The following TEX11 variants were observed in gnomAD, a reference collection of about 807,000 sequenced individuals.
The protein encoded by TEX11 is testis-expressed protein 11.
Under a neutral mutation model 84.4 loss-of-function variants are expected in TEX11, and 7 were observed. The ratio of observed to expected loss-of-function variants is 0.08; its 90% CI spans 0.05 to 0.16. The LOEUF (loss-of-function observed/expected upper bound fraction) is 0.16, where lower values mean the gene tolerates loss of function less well. Ranked by LOEUF, TEX11 falls within the 10% of genes least tolerant of loss-of-function variation. The pLI, the probability that TEX11 is intolerant of heterozygous loss-of-function variation, is 1.00. For missense variants in TEX11, 551 were observed against 660.5 expected (o/e 0.83, Z 1.82); for synonymous variants, 264 against 222.8 (o/e 1.18, Z -1.64).
At chrX:70,546,436 C>T (rs1348686684) in intron 28 of TEX11, among the ~76,000 whole-genome samples, 1 of 111,094 alleles carries the variant, frequency 9.0e-6, no homozygotes, top group African/African-American at 3.3e-5. Context: ...CAAATGATAC[C>T]CTTAAGAAAA....
intron 25 of TEX11, among the ~76,000 whole-genome samples, chrX:70,585,732 T>G (rs2088844420): frequency 8.9e-6 from 1 of 111,893 alleles, no homozygotes; most frequent in Non-Finnish European, 1.9e-5. Context: ...TCAACAAGGG[T>G]GTCAAGACCA....
chrX:70,739,825 G>A, intron 11 of TEX11, among the ~76,000 whole-genome samples: 1 of 111,345 alleles, frequency 9.0e-6, no homozygotes, highest in Non-Finnish European at 1.9e-5. Context: ...ATGTTGCCCA[G>A]GCTGAAGTGC....
chrX:70,588,491 T>A (rs1484325597), intron 25 of TEX11, among the ~76,000 whole-genome samples: 2 of 111,486 alleles, frequency 1.8e-5, no homozygotes, highest in Non-Finnish European at 3.8e-5. Context: ...GAAGGTGCCT[T>A]GCTTCCCCTT....
At chrX:70,730,554 G>C (rs1241389177) in intron 11 of TEX11, among the ~76,000 whole-genome samples, 1 of 111,917 alleles carries the variant, frequency 8.9e-6, no homozygotes, top group Non-Finnish European at 1.9e-5. Flanking sequence ...AAGAGACAAA[G>C]AAGGCCATTA....
rs769164675 is a variant in TEX11 at position 70,855,898 on chromosome X, T to C, written c.325-2570A>G. ...GAAATCAAACTTGCTGACACCTTAA[T>C]CTTGAACTTCTAGCCTCCAAAACTG... On this transcript the variant is annotated intron_variant, in intron 5 of 29. Coordinates refer to ENST00000374333, the MANE Select transcript of TEX11 (RefSeq NM_031276.3). Among the ~76,000 whole-genome samples, 321 of 111,689 alleles carry C rather than the reference T, an allele frequency of 2.9e-3. 1 individual carries two copies. Among genetic ancestry groups the C allele is most frequent in the African/African-American group, 9.6e-3 (296 of 30,801 alleles).
chrX:70,692,871 T>C (rs1470746818), intron 13 of TEX11, among the ~76,000 whole-genome samples: 1 of 111,428 alleles, frequency 9.0e-6, no homozygotes, highest in Non-Finnish European at 1.9e-5. Context: ...GGTAGTTCTA[T>C]CTTTAATTTT....
chrX:70,841,859 G>A (rs1283935032), intron 7 of TEX11, among the ~76,000 whole-genome samples: 24 of 111,262 alleles, frequency 2.2e-4, no homozygotes, highest in Admixed American at 1.1e-3. Flanking sequence ...ACACCTCTAC[G>A]CAAATAAACT....
chrX:70,776,565 G>GAA (rs781761552), intron 9 of TEX11, among the ~76,000 whole-genome samples: 1 of 88,126 alleles, frequency 1.1e-5, no homozygotes. Context: ...CCCTGTCTTG[G>GAA]AAAAAAAAAA....
intron 11 of TEX11, 97 bp downstream of exon 11, chrX:70,740,604 A>C: frequency 2.0e-6 from 1 of 504,803 alleles, no homozygotes; most frequent in East Asian, 3.8e-5. Context: ...AATCTGTGAG[A>C]GTAAATGCTG....
At chrX:70,662,388 A>C (rs1223201836) in intron 16 of TEX11, among the ~76,000 whole-genome samples, 1 of 112,199 alleles carries the variant, frequency 8.9e-6, no homozygotes, top group Non-Finnish European at 1.9e-5. Flanking sequence ...TCTATGTCTG[A>C]TTGGTGTACC....
intron 25 of TEX11, among the ~76,000 whole-genome samples, chrX:70,580,737 GATA>G (rs2147479290): frequency 8.9e-6 from 1 of 111,979 alleles, no homozygotes; most frequent in South Asian, 3.7e-4. Context: ...AATCAAATAA[GATA>G]ATGTTACTTA....
chrX:70,650,833 A>G (rs1049666311), intron 17 of TEX11, among the ~76,000 whole-genome samples: 21 of 112,179 alleles, frequency 1.9e-4, no homozygotes, highest in Non-Finnish European at 3.2e-4. Context: ...TGAGGGCTGA[A>G]GGCATTAATA....
At chrX:70,730,145 G>A (rs1459596699) in intron 11 of TEX11, among the ~76,000 whole-genome samples, 3 of 111,760 alleles carry the variant, frequency 2.7e-5, no homozygotes, top group Non-Finnish European at 3.8e-5. Flanking sequence ...CCCTAAAAGA[G>A]CTCCTGAAAG....
At chrX:70,602,818 A>C (rs2089141256) in intron 24 of TEX11, among the ~76,000 whole-genome samples, 1 of 86,217 alleles carries the variant, frequency 1.2e-5, no homozygotes, top group African/African-American at 4.3e-5. Context: ...GTCTCAGCCC[A>C]AAATCTCCTT....
intron 17 of TEX11, among the ~76,000 whole-genome samples, chrX:70,644,495 C>T (rs1276799878): frequency 9.2e-6 from 1 of 108,805 alleles, no homozygotes; most frequent in Non-Finnish European, 1.9e-5. Context: ...CGGCATTATT[C>T]ACAATAGCAA....
chrX:70,784,376 C>T (rs2091063299), intron 9 of TEX11, among the ~76,000 whole-genome samples: 1 of 111,577 alleles, frequency 9.0e-6, no homozygotes, highest in South Asian at 3.8e-4. Context: ...CAATATCATA[C>T]TGAATGGGCA....
At chrX:70,722,143 A>T (rs183119438) in intron 13 of TEX11, among the ~76,000 whole-genome samples, 1 of 112,410 alleles carries the variant, frequency 8.9e-6, no homozygotes, top group East Asian at 2.8e-4. Flanking sequence ...ACAGGGTCTA[A>T]AACAGTGCTG....
chrX:70,758,095 C>T (rs948745815), intron 9 of TEX11, among the ~76,000 whole-genome samples: 3 of 111,650 alleles, frequency 2.7e-5, no homozygotes, highest in African/African-American at 9.8e-5. Context: ...ATATATGCAC[C>T]CAATACAGCA....
intron 13 of TEX11, among the ~76,000 whole-genome samples, chrX:70,707,862 C>A (rs2090390323): frequency 9.1e-6 from 1 of 110,384 alleles, no homozygotes; most frequent in Non-Finnish European, 1.9e-5. Context: ...TTGACATTAG[C>A]CTTGGCAAAT....
Sources: gnomAD v4.1 joint callset for allele counts (sites outside exome capture counted in the v4.1 genomes callset) on GRCh38, gnomAD v4.1.1 for gene constraint, MANE v1.5 for transcripts, NCBI Gene and HGNC (gene_info 2026-07-23, HGNC 2026-07-21) for gene names.